The following SLC6A19 variants were observed in gnomAD, a reference collection of about 807,000 sequenced individuals.
The protein encoded by SLC6A19 is sodium-dependent neutral amino acid transporter B(0)AT1.
Under a neutral mutation model 68.3 loss-of-function variants are expected in SLC6A19, and 67 were observed. The observed-to-expected ratio is 0.98, with a 90% CI of 0.81 to 1.20. SLC6A19 has a LOEUF of 1.20. Ranked by LOEUF, SLC6A19 falls within the 50% of genes most tolerant of loss-of-function variation. SLC6A19 has a pLI of 0.00. For synonymous variants in SLC6A19, 392 were observed against 374.9 expected, an observed-to-expected ratio of 1.05 and a Z score of -0.53; for missense variants, 813 against 851.6, an observed-to-expected ratio of 0.95 and a Z score of 0.56.
intron 1 of SLC6A19, among the ~76,000 whole-genome samples, chr5:1,208,324 G>A (rs1474417612): frequency 6.6e-6 from 1 of 152,058 alleles, no homozygotes; most frequent in Admixed American, 6.5e-5. Context: ...CGGGGCAGGA[G>A]TGGCACGCTG....
chr5:1,219,779 G>T, intron 10 of SLC6A19, 115 bp downstream of exon 10: 1 of 1,455,692 alleles, frequency 6.9e-7, no homozygotes, highest in South Asian at 1.2e-5. Flanking sequence ...TCTATGACTC[G>T]GGGCCTCGGC....
Position 1,213,589 on chromosome 5 carries a change from T to G in SLC6A19, c.774+16T>G. 3 of 1,607,466 alleles carry G rather than the reference T, an allele frequency of 1.9e-6. No homozygotes were observed. The highest frequency in any genetic ancestry group is 8.5e-7 in the Non-Finnish European group (1 of 1,176,218). On this transcript the variant is annotated intron_variant, in intron 5 of 11. Transcript: ENST00000304460. ...CACGCCCAACGTAAGTCCCCGAGGC[T>G]GCCCTGGGCCCAGACCCCGGGAGAG...
chr5:1,201,920 T>C (rs1452665051), intron 1 of SLC6A19, 68 bp downstream of exon 1: 12 of 1,532,774 alleles, frequency 7.8e-6, no homozygotes, highest in Non-Finnish European at 8.8e-6. Flanking sequence ...GCAGAGGCCC[T>C]GGGCAGACAT....
At position 1,212,620 on chromosome 5, in the gene SLC6A19, C is replaced by T; in HGVS notation, c.663+136C>T. 8.6e-7 allele frequency: 1 copy of T among 1,162,910 alleles called. No homozygotes were observed. Among genetic ancestry groups the T allele is most frequent in the Non-Finnish European group, 1.2e-6 (1 of 815,570 alleles). The allele number at this position is 1,162,910 out of a possible 1,614,324, so 72.0% of individuals were successfully genotyped here. ...CTTTCCCCAGACCCCACCAAGAGAG[C>T]TGCCTTTGCCCTTAGGCTCACTGGC... On this transcript the variant is annotated intron_variant, in intron 4 of 11. Coordinates refer to ENST00000304460, the MANE Select transcript of SLC6A19 (RefSeq NM_001003841.3). The surrounding 1 kb of genome is among the most constrained non-coding windows in gnomAD (Gnocchi z 5.1).
rs1021461220 is a variant in SLC6A19 at position 1,224,777 on chromosome 5, G to T, written c.*2873G>T. On this transcript the variant is annotated 3_prime_UTR_variant, in exon 12 of 12. Coordinates refer to ENST00000304460, the MANE Select transcript of SLC6A19 (RefSeq NM_001003841.3). ...AAGGAGGAGCCCCAGAGTCCAGGGA[G>T]CACTGTGGGGAGCTCCTTAGAGCTG... 1 of 152,500 alleles carries T rather than the reference G, an allele frequency of 6.6e-6. No individual in the cohort carries two copies. The highest frequency in any genetic ancestry group is 2.4e-5 in the African/African-American group (1 of 41,482). The allele number at this position is 152,500 out of a possible 1,614,324, so 9.4% of individuals were successfully genotyped here.
In SLC6A19 at chr5:1,208,849, T is replaced by C. The variant is rs60992377; in HGVS notation, c.306T>C (p.Gly102=). Residue 102 remains glycine (G), a synonymous_variant, in exon 2 of 12, where the codon GGT becomes GGC. Transcript: ENST00000304460. Reference sequence around the variant, plus strand: ...AGCGGCTGCGGCGGGGCAGCCTGGGTGTGTGGAGCTCCATCCACCCGGCCC... The same window carrying C: ...AGCGGCTGCGGCGGGGCAGCCTGGGCGTGTGGAGCTCCATCCACCCGGCCC... ...IGQRLRRGSL[G]VWSSIHPALK... is the part of the protein sequence containing the mutation. The C allele has an allele frequency of 0.32, 523,342 of 1,612,266 alleles. 89,052 individuals are homozygous for C. Among genetic ancestry groups the C allele is most frequent in the African/African-American group, 0.54 (40,602 of 74,926 alleles).
At position 1,224,487 on chromosome 5, in the gene SLC6A19, G is replaced by C. The variant is rs1025116435; in HGVS notation, c.*2583G>C. On this transcript the variant is annotated 3_prime_UTR_variant, in exon 12 of 12. Coordinates refer to ENST00000304460, the MANE Select transcript of SLC6A19 (RefSeq NM_001003841.3). ...GTCCAGCTCCTGCCTCCTCCTGGGG[G>C]GTCTGGCTTTGGGGGCTTGCTCCGA... The C allele has an allele frequency of 1.3e-5, 2 of 152,370 alleles. No individual in the cohort carries two copies. The highest frequency in any genetic ancestry group is 4.1e-4 in the South Asian group (2 of 4,832). 9.4% of individuals were successfully genotyped at this position (152,370 alleles called of 1,614,324 possible). A position where few individuals can be genotyped will look rare whatever the true frequency, so the allele number is the denominator to read the frequency against.
intron 4 of SLC6A19, among the ~76,000 whole-genome samples, chr5:1,213,241 C>T (rs1308444001): frequency 6.6e-5 from 3 of 45,274 alleles, no homozygotes; most frequent in Admixed American, 1.9e-4. Flanking sequence ...CCGCAGGCCC[C>T]GCCCCCCACA....
intron 1 of SLC6A19, among the ~76,000 whole-genome samples, chr5:1,206,110 A>G (rs941746910): frequency 2.6e-5 from 4 of 152,332 alleles, no homozygotes; most frequent in East Asian, 1.9e-4. Context: ...GCAGGCACCA[A>G]GTGGACACAG....
Position 1,212,626 on chromosome 5 carries a change from T to C in SLC6A19, c.663+142T>C. On this transcript the variant is annotated intron_variant, in intron 4 of 11. Transcript: ENST00000304460. This position sits in a 1 kb window ranked among gnomAD's most constrained non-coding sequence, Gnocchi z 5.1. ...CCAGACCCCACCAAGAGAGCTGCCT[T>C]TGCCCTTAGGCTCACTGGCCTGGGC... The C allele has an allele frequency of 8.8e-7, 1 of 1,131,020 alleles. No homozygotes were observed. The highest frequency in any genetic ancestry group is 2.2e-5 in the Admixed American group (1 of 46,508). 70.1% of individuals were successfully genotyped at this position (1,131,020 alleles called of 1,614,324 possible). A position where few individuals can be genotyped will look rare whatever the true frequency, so the allele number is the denominator to read the frequency against.
chr5:1,204,650 C>A (rs1745802573), intron 1 of SLC6A19, among the ~76,000 whole-genome samples: 1 of 145,288 alleles, frequency 6.9e-6, no homozygotes, highest in Non-Finnish European at 1.6e-5. Flanking sequence ...GAGCCCACCC[C>A]ACAGCTGGCC....
intron 4 of SLC6A19, 49 bp from the exon 5 acceptor site, chr5:1,213,414 G>T: frequency 1.3e-6 from 1 of 784,966 alleles, no homozygotes; most frequent in Non-Finnish European, 1.8e-6. Flanking sequence ...CCCACCGCAT[G>T]CCTGGCCCCC....
At chr5:1,211,067 A>G (rs1746014378) in intron 3 of SLC6A19, among the ~76,000 whole-genome samples, 1 of 152,156 alleles carries the variant, frequency 6.6e-6, no homozygotes. Flanking sequence ...GTGACATGCA[A>G]TCAGCTCACG....
Position 1,214,022 on chromosome 5 carries a change from G to A in SLC6A19, c.844G>A (p.Ala282Thr). Reference sequence around the variant, plus strand: ...ACAGGTCTTCTTCTCCTTCTCCCTGGCCTTCGGGGGCCTCATCTCCTTCTC... The same window carrying A: ...ACAGGTCTTCTTCTCCTTCTCCCTGACCTTCGGGGGCCTCATCTCCTTCTC... Reference protein sequence around the residue: ...GAQVFFSFSLAFGGLISFSSY... With the variant: ...GAQVFFSFSLTFGGLISFSSY... Residue 282 changes from alanine to threonine, a missense_variant, in exon 6 of 12, where the codon GCC becomes ACC. Transcript: ENST00000304460. This position sits in a 1 kb window ranked among gnomAD's most constrained non-coding sequence, Gnocchi z 7.4. The A allele has an allele frequency of 1.2e-6, 2 of 1,613,816 alleles. No homozygotes were observed.
chr5:1,212,464 G>C lies in SLC6A19; in HGVS notation c.643G>C (p.Gly215Arg). The C allele has an allele frequency of 1.2e-6, 2 of 1,608,812 alleles. No homozygotes were observed. The highest frequency in any genetic ancestry group is 1.7e-6 in the Non-Finnish European group (2 of 1,179,870). ...WSVLYMCTIRGIETTGKAVYI... is the reference protein window; with the variant it reads ...WSVLYMCTIRRIETTGKAVYI... The stretch of plus-strand genomic sequence containing the variant: ...CGTCCTGTACATGTGCACCATCCGC[G>C]GCATCGAGACCACCGGGAAGGTACT... The change falls in exon 4 of 12, where the codon GGC (glycine) becomes CGC (arginine). Residue 215 changes from glycine to arginine, a missense_variant. Coordinates refer to ENST00000304460, the MANE Select transcript of SLC6A19 (RefSeq NM_001003841.3). The surrounding 1 kb of genome is among the most constrained non-coding windows in gnomAD (Gnocchi z 5.1).
chr5:1,221,451 A>T (rs969144668), intron 11 of SLC6A19, 138 bp downstream of exon 11: 3 of 1,177,102 alleles, frequency 2.5e-6, no homozygotes, highest in Admixed American at 3.9e-5. Context: ...ACTCAGGTGC[A>T]GTCCAGCCAC....
Position 1,213,958 on chromosome 5 carries a change from G to A in SLC6A19, c.780G>A (p.Thr260=), listed in dbSNP as rs779424722. 154 of 1,613,054 alleles carry A rather than the reference G, an allele frequency of 9.5e-5. 1 individual carries two copies. The highest frequency in any genetic ancestry group is 1.2e-4 in the Non-Finnish European group (146 of 1,179,994). The stretch of plus-strand genomic sequence containing the variant: ...AGGGTCTCCATGTGGCGCAGGTCAC[G>A]GAGCTGGCCCAGCCGGACACCTGGC... ...GIVFLFTPNV[T]ELAQPDTWLD... Residue 260 remains threonine (T), a synonymous_variant, in exon 6 of 12, where the codon ACG becomes ACA. Coordinates refer to ENST00000304460, the MANE Select transcript of SLC6A19 (RefSeq NM_001003841.3).
In SLC6A19 at chr5:1,221,133, T is replaced by C. The variant is rs772859982; in HGVS notation, c.1539-18T>C. 1.9e-6 allele frequency: 3 copies of C among 1,612,068 alleles called. No individual in the cohort carries two copies. The South Asian group carries it at 3.3e-5, about 18-fold the overall frequency. Reference sequence around the variant, plus strand: ...CCCAGCTGGTAGCAGCAGTGACAGCTGTCTCTGGCCTTGGCAGGTTCAATA... The same window carrying C: ...CCCAGCTGGTAGCAGCAGTGACAGCCGTCTCTGGCCTTGGCAGGTTCAATA... On this transcript the variant is annotated intron_variant, in intron 10 of 11. Transcript: ENST00000304460.
At chr5:1,219,901 G>T (rs1370445259) in intron 10 of SLC6A19, among the ~76,000 whole-genome samples, 1 of 152,174 alleles carries the variant, frequency 6.6e-6, no homozygotes, top group Non-Finnish European at 1.5e-5. Flanking sequence ...AAGCCCAGTG[G>T]AGCCCAGACC....
Sources: allele counts gnomAD v4.1 joint callset (sites outside exome capture counted in the v4.1 genomes callset), GRCh38; gene constraint gnomAD v4.1.1; non-coding constraint Gnocchi (gnomAD v3.1); transcripts MANE v1.5; gene names NCBI Gene and HGNC (gene_info 2026-07-23, HGNC 2026-07-21).